DST: variants seen among roughly 807,000 people sequenced by gnomAD.
DST encodes bullous pemphigoid antigen.
A neutral mutation model predicts 875.2 loss-of-function variants in DST; 253 were observed. That is an observed-to-expected ratio of 0.29 (90% CI 0.26 to 0.32). DST has a LOEUF of 0.32. Among genes scored for constraint, DST ranks in the 10% least tolerant of loss-of-function variants. The pLI, the probability that DST is intolerant of heterozygous loss-of-function variation, is 1.00. For synonymous variants in DST, 3,124 were observed against 3,197.1 expected (o/e 0.98, Z 0.77); for missense variants, 8,287 against 9,111.6 (o/e 0.91, Z 3.68).
intron 5 of DST, among the ~76,000 whole-genome samples, chr6:56,722,368 G>GTTTGTTTGTTTGTTTATTTA (rs376637331): frequency 1.4e-3 from 204 of 150,706 alleles, no homozygotes; most frequent in African/African-American, 4.3e-3. Context: ...GTACATGTTT[G>GTTTGTTTGTTTGTTTATTTA]TTTATTTATT....
At position 56,629,396 on chromosome 6, in the gene DST, T is replaced by C. The variant is rs1364176953; in HGVS notation, c.4329A>G (p.Leu1443=). The C allele has an allele frequency of 6.2e-7, 1 of 1,613,528 alleles. No individual in the cohort carries two copies. Among genetic ancestry groups the C allele is most frequent in the Non-Finnish European group, 8.5e-7 (1 of 1,179,732 alleles). Residue 1443 remains leucine, a synonymous_variant, in exon 32 of 104, where the codon TTA becomes TTG. Coordinates refer to ENST00000680361, the MANE Select transcript of DST (RefSeq NM_001374736.1). The part of the protein sequence containing the change: ...VDEKRQVFHA[L]EDELQKAKAI... ...CTTTAGCTTTCTGCAACTCATCCTC[T>C]AAGGCATGGAATACCTGTCTCTTTT...
Position 56,900,440 on chromosome 6 carries a change from C to T in DST, c.398G>A (p.Gly133Asp), listed in dbSNP as rs1562336195. Residue 133 changes from glycine (G) to aspartate (D), a missense_variant, in exon 3 of 104, where the codon GGT (glycine) becomes GAT (aspartate). Physicochemically the swap from Gly to Asp is moderately conservative, Grantham distance 94. Transcript: ENST00000680361. The stretch of plus-strand genomic sequence containing the variant: ...ACTTACAGGCCTCCTGATTGAAGCA[C>T]CTTGAACAGAGTGATAAAATTCTGG... ...VQPEFYHSVQ[G>D]ASIRRPSSGN... 1 of 1,367,702 alleles carries T rather than the reference C, an allele frequency of 7.3e-7. No individual in the cohort carries two copies. Among genetic ancestry groups the T allele is most frequent in the Non-Finnish European group, 9.8e-7 (1 of 1,021,860 alleles). 84.7% of individuals were successfully genotyped at this position (1,367,702 alleles called of 1,614,324 possible). A position where few individuals can be genotyped will look rare whatever the true frequency, so the allele number is the denominator to read the frequency against.
chr6:56,770,298 T>C (rs2099648626), intron 4 of DST, among the ~76,000 whole-genome samples: 1 of 152,218 alleles, frequency 6.6e-6, no homozygotes, highest in African/African-American at 2.4e-5. Context: ...TTTGGTCTGT[T>C]TGACTCCCAG....
rs763526422 is a variant in DST at position 56,604,362 on chromosome 6, G to T, written c.10266C>A (p.Asn3422Lys). 1.2e-6 allele frequency: 2 copies of T among 1,612,214 alleles called. No homozygotes were observed. Among genetic ancestry groups the T allele is most frequent in the East Asian group, 4.5e-5 (2 of 44,796 alleles). Residue 3422 changes from asparagine (N) to lysine (K), a missense_variant, in exon 40 of 104, where the codon AAC (asparagine) becomes AAA (lysine). Around this residue, in one of 10 missense-constraint regions of DST, gnomAD observed 3,138 missense variants for 3,116.6 expected, o/e 1.01. Transcript: ENST00000680361. ...SDSSGVSPMT[N>K]SSELKPESRD... The stretch of plus-strand genomic sequence containing the variant: ...TACTTTCTGGCTTTAGTTCTGATGA[G>T]TTAGTCATGGGGGAAACTCCAGAAG...
chr6:56,513,286 C>T (rs1222507787), intron 72 of DST, among the ~76,000 whole-genome samples: 2 of 151,304 alleles, frequency 1.3e-5, no homozygotes, highest in African/African-American at 4.9e-5. Context: ...GCTGGAGTGC[C>T]GTGGCACGAT....
intron 7 of DST, among the ~76,000 whole-genome samples, chr6:56,702,892 G>A (rs1248371059): frequency 6.6e-6 from 1 of 152,114 alleles, no homozygotes; most frequent in African/African-American, 2.4e-5. Flanking sequence ...TAAGAAAACA[G>A]ACAGCACACC....
chr6:56,635,144 C>T lies in DST; in HGVS notation c.3187-191G>A, dbSNP rs141158517. 4.5e-3 allele frequency among the ~76,000 whole-genome samples: 688 copies of T among 152,076 alleles called. 1 individual carries two copies. The highest frequency in any genetic ancestry group is 0.016 in the African/African-American group (660 of 41,502). On this transcript the variant is annotated intron_variant, in intron 24 of 103. Transcript: ENST00000680361. ...TTTGGTTTGTTTGGTTTTCTTTTTCCTCTTTGGCATTTACACTACCTAACA... is the reference window on the plus strand; with the variant it reads ...TTTGGTTTGTTTGGTTTTCTTTTTCTTCTTTGGCATTTACACTACCTAACA...
intron 4 of DST, among the ~76,000 whole-genome samples, chr6:56,743,264 T>C (rs1010855332): frequency 2.0e-5 from 3 of 151,862 alleles, no homozygotes; most frequent in Non-Finnish European, 4.4e-5. Flanking sequence ...ACATAGTTAA[T>C]TCCAAAAAAC....
rs935102583 is a variant in DST, at chr6:56,714,415, G to A, written c.688-10046C>T. Among the ~76,000 whole-genome samples the A allele has an allele frequency of 2.6e-5, 4 of 152,096 alleles. No homozygotes were observed. Among genetic ancestry groups the A allele is most frequent in the Admixed American group, 6.6e-5 (1 of 15,262 alleles). On this transcript the variant is annotated intron_variant, in intron 5 of 103. Coordinates refer to ENST00000680361, the MANE Select transcript of DST (RefSeq NM_001374736.1). This position sits in a 1 kb window ranked among gnomAD's most constrained non-coding sequence, Gnocchi z 4.5. ...TCTAGTCTACTCAACAGAGATCTCC[G>A]GACCACAGATGCTTAAAAACTAGTT...
chr6:56,531,279 C>T (rs963559174), intron 64 of DST, among the ~76,000 whole-genome samples: 1 of 152,088 alleles, frequency 6.6e-6, no homozygotes, highest in African/African-American at 2.4e-5. Context: ...TAACCATTAC[C>T]AATATCCCTC....
intron 4 of DST, among the ~76,000 whole-genome samples, chr6:56,753,918 CAGTTAG>C (rs1564013272): frequency 6.6e-6 from 1 of 152,146 alleles, no homozygotes; most frequent in Non-Finnish European, 1.5e-5. Flanking sequence ...ACTGATTGTC[CAGTTAG>C]AGTAACAGCA....
intron 8 of DST, among the ~76,000 whole-genome samples, chr6:56,700,404 A>G (rs2099293433): frequency 6.6e-6 from 1 of 152,202 alleles, no homozygotes; most frequent in South Asian, 2.1e-4. Context: ...TAAAATTAGA[A>G]AAAATTTTGT....
chr6:56,803,689 C>G (rs1018664108), intron 4 of DST, among the ~76,000 whole-genome samples: 11 of 152,210 alleles, frequency 7.2e-5, no homozygotes, highest in Non-Finnish European at 1.3e-4. Flanking sequence ...CCCATCCTGA[C>G]AGACCAAGAG....
intron 12 of DST, among the ~76,000 whole-genome samples, chr6:56,650,090 A>G (rs777010515): frequency 7.9e-5 from 12 of 152,166 alleles, no homozygotes; most frequent in Non-Finnish European, 1.3e-4. Context: ...GAATATGGAA[A>G]CAGGTCTAGA....
chr6:56,940,625 G>C (rs1361295051), intron 2 of DST, among the ~76,000 whole-genome samples: 2 of 151,822 alleles, frequency 1.3e-5, no homozygotes, highest in Non-Finnish European at 2.9e-5. Flanking sequence ...TGTCACCCAG[G>C]GCGGAGTGCA....
At chr6:56,547,740 C>T (rs2097254144) in intron 61 of DST, among the ~76,000 whole-genome samples, 1 of 152,164 alleles carries the variant, frequency 6.6e-6, no homozygotes, top group Non-Finnish European at 1.5e-5. Context: ...GCTCAAACTG[C>T]CTGTCTTCCT....
Position 56,568,613 on chromosome 6 carries a change from C to T in DST, c.13879-18G>A. 5.1e-6 allele frequency: 8 copies of T among 1,562,416 alleles called. No homozygotes were observed. Among genetic ancestry groups the T allele is most frequent in the Non-Finnish European group, 5.2e-6 (6 of 1,150,282 alleles). ...TGTAATTTCTTGAGATATAAAAACA[C>T]ATTATTTTTCCATCTTAATATTTTC... On this transcript the variant is annotated intron_variant, in intron 54 of 103. Transcript: ENST00000680361.
intron 1 of DST, among the ~76,000 whole-genome samples, 191 bp from the exon 2 acceptor site, chr6:56,954,010 T>C (rs887038230): frequency 2.0e-5 from 3 of 152,182 alleles, no homozygotes; most frequent in Non-Finnish European, 4.4e-5. Flanking sequence ...CCGCGAGAAG[T>C]TTGCATGAAA....
intron 36 of DST, chr6:56,618,151 C>A (rs2098647505): frequency 6.2e-7 from 1 of 1,613,994 alleles, no homozygotes; most frequent in Admixed American, 1.7e-5. Context: ...CGGTGCTTGT[C>A]TGAGAAAAGT....
Sources: gnomAD v4.1 joint callset for allele counts (sites outside exome capture counted in the v4.1 genomes callset) on GRCh38, gnomAD v4.1.1 for gene constraint, gnomAD v4.1.1 regional missense constraint, Gnocchi (gnomAD v3.1) non-coding constraint, MANE v1.5 for transcripts, NCBI Gene and HGNC (gene_info 2026-07-23, HGNC 2026-07-21) for gene names.